Variants in ICA1 observed in about 807,000 individuals in gnomAD.
ICA1 encodes 69 kDa islet cell autoantigen.
In ICA1, 40 loss-of-function variants were observed where a neutral mutation model predicts 71.0. The ratio of observed to expected loss-of-function variants is 0.56; its 90% CI spans 0.44 to 0.73. The LOEUF is 0.73. ICA1 is among the 30% of genes least tolerant of loss of function. The pLI is 0.00. For synonymous variants in ICA1, 207 were observed against 209.5 expected (o/e 0.99, Z 0.10); for missense variants, 578 against 576.5 (o/e 1.00, Z -0.03).
At chr7:8,116,569 G>A (rs1326102506) in intron 13 of ICA1, 1 of 152,192 alleles carries the variant, frequency 6.6e-6, no homozygotes, top group Non-Finnish European at 1.5e-5. Flanking sequence ...AGGCATCTTT[G>A]CTTTTTAGCT....
chr7:8,235,915 G>T lies in ICA1; in HGVS notation c.12C>A (p.His4Gln), dbSNP rs779789569. The change falls in exon 2 of 14, where the codon CAC becomes CAA. Residue 4 changes from histidine (H) to glutamine (Q), a missense_variant. Transcript: ENST00000402384. ...AAAGATGACAAATTACTTACCATTT[G>T]TGTCCTGACATGTTTTCTTCTTCTT... MSG[H>Q]KCSYPWDLQD... 1.9e-6 allele frequency: 3 copies of T among 1,613,250 alleles called. No homozygotes were observed. The Admixed American group carries it at 5.0e-5, about 27-fold the overall frequency.
At chr7:8,239,612 T>C (rs1803061022) in intron 1 of ICA1, among the ~76,000 whole-genome samples, 1 of 152,144 alleles carries the variant, frequency 6.6e-6, no homozygotes, top group Admixed American at 6.5e-5. Context: ...ACCCAGGAAG[T>C]GCAAGGGGTC....
At chr7:8,207,707 G>A (rs546120806) in intron 6 of ICA1, among the ~76,000 whole-genome samples, 5 of 152,314 alleles carry the variant, frequency 3.3e-5, no homozygotes, top group African/African-American at 1.2e-4. Context: ...GACATAAACC[G>A]GTAACATGCC....
chr7:8,212,356 G>A (rs1451022258), intron 6 of ICA1, among the ~76,000 whole-genome samples: 1 of 152,188 alleles, frequency 6.6e-6, no homozygotes, highest in Non-Finnish European at 1.5e-5. Flanking sequence ...CTTGAGGCCA[G>A]GAGCTTGAGA....
rs1467022370 is a variant in ICA1, at chr7:8,173,317, C to T, written c.580-14665G>A. 1.3e-5 allele frequency among the ~76,000 whole-genome samples: 2 copies of T among 152,074 alleles called. No homozygotes were observed. Among genetic ancestry groups the T allele is most frequent in the African/African-American group, 4.8e-5 (2 of 41,404 alleles). ...ACTCAGGAGTCAACCTAAGAGACTC[C>T]CACTAGCCAAAAATGAGACATTGTG... is the stretch of plus-strand genomic sequence containing the variant. On this transcript the variant is annotated intron_variant, in intron 6 of 13. Coordinates refer to ENST00000402384, the MANE Select transcript of ICA1 (RefSeq NM_001136020.3). This position sits in a 1 kb window ranked among gnomAD's most constrained non-coding sequence, Gnocchi z 4.0.
chr7:8,146,620 G>A (rs1245832205), intron 8 of ICA1, among the ~76,000 whole-genome samples: 1 of 151,838 alleles, frequency 6.6e-6, no homozygotes, highest in Non-Finnish European at 1.5e-5. Context: ...TGATACAAAG[G>A]GCAGTGTCAG....
intron 1 of ICA1, among the ~76,000 whole-genome samples, chr7:8,244,499 C>T (rs1407175289): frequency 3.9e-5 from 6 of 152,140 alleles, no homozygotes; most frequent in African/African-American, 1.2e-4. Context: ...TAGGCATGGG[C>T]AAGGACTTCA....
chr7:8,258,652 T>G (rs1410383260), intron 1 of ICA1, among the ~76,000 whole-genome samples: 2 of 152,214 alleles, frequency 1.3e-5, no homozygotes, highest in East Asian at 3.8e-4. Flanking sequence ...CAGGCTTTGT[T>G]ATAAAAACAG....
rs140960734 is a variant in ICA1, at chr7:8,192,021, T to C, written c.579+26284A>G. On this transcript the variant is annotated intron_variant, in intron 6 of 13. Transcript: ENST00000402384. ...AACACACATAGATTTTTTCCTAAACTGTTTAAGAGTAAATTGCAGACAGAA... is the reference window on the plus strand; with the variant it reads ...AACACACATAGATTTTTTCCTAAACCGTTTAAGAGTAAATTGCAGACAGAA... Among the ~76,000 whole-genome samples the C allele has an allele frequency of 2.7e-3, 404 of 152,266 alleles. 4 individuals carry two copies. The highest frequency in any genetic ancestry group is 0.011 in the East Asian group (59 of 5,186).
chr7:8,161,851 T>C (rs1803954589), intron 6 of ICA1, among the ~76,000 whole-genome samples: 1 of 152,240 alleles, frequency 6.6e-6, no homozygotes, highest in African/African-American at 2.4e-5. Flanking sequence ...GAAATGCTTA[T>C]TGTTTTAAGC....
chr7:8,249,500 T>A (rs1464627936), intron 1 of ICA1, among the ~76,000 whole-genome samples: 1 of 152,230 alleles, frequency 6.6e-6, no homozygotes, highest in Admixed American at 6.5e-5. Context: ...GGACATTCAA[T>A]GCTGTTTATT....
At chr7:8,183,521 C>A (rs111387704) in intron 6 of ICA1, among the ~76,000 whole-genome samples, 3 of 152,064 alleles carry the variant, frequency 2.0e-5, no homozygotes, top group African/African-American at 7.2e-5. Context: ...TATTAAAACC[C>A]CTGGTAATGT....
intron 3 of ICA1, among the ~76,000 whole-genome samples, chr7:8,230,302 C>CA (rs1799884521): frequency 6.6e-6 from 1 of 152,172 alleles, no homozygotes; most frequent in Non-Finnish European, 1.5e-5. Context: ...TAGAATCTGA[C>CA]CAATATTATA....
chr7:8,228,112 A>G (rs77059124), intron 4 of ICA1, among the ~76,000 whole-genome samples: 3,138 of 152,288 alleles, frequency 0.021, 108 homozygotes, highest in African/African-American at 0.072. Context: ...CTTTGTTGTT[A>G]ATGCTTTTAA....
intron 6 of ICA1, among the ~76,000 whole-genome samples, chr7:8,206,444 A>C (rs569306667): frequency 5.9e-4 from 90 of 152,230 alleles, no homozygotes; most frequent in Admixed American, 3.5e-3. Context: ...TTAAAAACAA[A>C]CCATTTAAAA....
intron 6 of ICA1, among the ~76,000 whole-genome samples, chr7:8,186,564 G>A (rs1783974252): frequency 6.6e-6 from 1 of 152,134 alleles, no homozygotes; most frequent in African/African-American, 2.4e-5. Flanking sequence ...TGGAGACAGG[G>A]GATGGATGAC....
At chr7:8,255,779 C>CTTTTTTTTTT (rs573673718) in intron 1 of ICA1, among the ~76,000 whole-genome samples, 1,899 of 132,572 alleles carry the variant, frequency 0.014, 30 homozygotes, top group African/African-American at 0.02. Context: ...ACTTCTTTCT[C>CTTTTTTTTTT]TTTTTTTTTT....
At chr7:8,152,498 C>A (rs1271367913) in intron 8 of ICA1, among the ~76,000 whole-genome samples, 2 of 151,430 alleles carry the variant, frequency 1.3e-5, no homozygotes, top group Non-Finnish European at 3.0e-5. Context: ...TACCGTCACC[C>A]TTACCACCAC....
intron 4 of ICA1, chr7:8,227,622 T>G: frequency 2.5e-6 from 1 of 394,950 alleles, no homozygotes; most frequent in Non-Finnish European, 4.9e-6. Context: ...TTTTTTTTTT[T>G]TCTAAGAGAT....
Sources: allele counts gnomAD v4.1 joint callset (sites outside exome capture counted in the v4.1 genomes callset), GRCh38; gene constraint gnomAD v4.1.1; non-coding constraint Gnocchi (gnomAD v3.1); transcripts MANE v1.5; gene names NCBI Gene and HGNC (gene_info 2026-07-23, HGNC 2026-07-21).